PPP3CA: variants seen among roughly 807,000 people sequenced by gnomAD.
The protein encoded by PPP3CA is CAM-PRP catalytic subunit.
A neutral mutation model predicts 66.5 loss-of-function variants in PPP3CA; 14 were observed. The observed-to-expected ratio is 0.21, with a 90% CI of 0.14 to 0.33. PPP3CA has a LOEUF of 0.33. Ranked by LOEUF, PPP3CA falls within the 10% of genes least tolerant of loss-of-function variation. The probability of loss-of-function intolerance (pLI) is 1.00; values close to 1 mark genes in which losing one functional copy is unlikely to be tolerated. For synonymous variants in PPP3CA, 232 were observed against 226.2 expected (o/e 1.03, Z -0.23); for missense variants, 317 against 639.5 (o/e 0.50, Z 5.44).
chr4:101,091,490 C>T (rs942372872), intron 6 of PPP3CA, among the ~76,000 whole-genome samples: 13 of 151,902 alleles, frequency 8.6e-5, no homozygotes, highest in Admixed American at 5.9e-4. Context: ...ACAAACCTCT[C>T]TGTTAATATT....
intron 1 of PPP3CA, among the ~76,000 whole-genome samples, chr4:101,344,331 T>C (rs932524752): frequency 6.6e-6 from 1 of 152,170 alleles, no homozygotes; most frequent in Non-Finnish European, 1.5e-5. Flanking sequence ...AAATAACTAA[T>C]AATAAAAATC....
intron 1 of PPP3CA, among the ~76,000 whole-genome samples, chr4:101,256,960 A>G (rs1726862342): frequency 6.6e-6 from 1 of 152,008 alleles, no homozygotes; most frequent in South Asian, 2.1e-4. Context: ...GCTTGAAGAA[A>G]CTGAGGCTGT....
chr4:101,127,847 A>G (rs1722295238), intron 2 of PPP3CA, among the ~76,000 whole-genome samples: 1 of 150,788 alleles, frequency 6.6e-6, no homozygotes, highest in South Asian at 2.1e-4. Context: ...TTCTGTAACC[A>G]TAGGAGGTGA....
chr4:101,250,113 T>C (rs890158747), intron 1 of PPP3CA, among the ~76,000 whole-genome samples: 1 of 152,148 alleles, frequency 6.6e-6, no homozygotes. Flanking sequence ...ACAAGAATAA[T>C]TGAGTTTTTG....
At chr4:101,192,876 T>C (rs1305863377) in intron 2 of PPP3CA, among the ~76,000 whole-genome samples, 1 of 152,210 alleles carries the variant, frequency 6.6e-6, no homozygotes, top group African/African-American at 2.4e-5. Context: ...TTATCATCCA[T>C]AGCCATAACT....
At chr4:101,075,820 CT>C (rs1236616216) in intron 8 of PPP3CA, among the ~76,000 whole-genome samples, 4 of 152,108 alleles carry the variant, frequency 2.6e-5, no homozygotes, top group African/African-American at 9.7e-5. Flanking sequence ...TTCTTTGTTG[CT>C]TTTTCCAAAT....
At chr4:101,135,934 T>C (rs1327878072) in intron 2 of PPP3CA, among the ~76,000 whole-genome samples, 3 of 152,238 alleles carry the variant, frequency 2.0e-5, no homozygotes, top group African/African-American at 7.2e-5. Flanking sequence ...AGCTATGATA[T>C]ATTGAACTAT....
At chr4:101,244,024 C>T (rs1578588446) in intron 1 of PPP3CA, among the ~76,000 whole-genome samples, 1 of 152,132 alleles carries the variant, frequency 6.6e-6, no homozygotes, top group South Asian at 2.1e-4. Context: ...TACCTCATGG[C>T]AACTGGGATC....
intron 1 of PPP3CA, among the ~76,000 whole-genome samples, chr4:101,269,328 C>T (rs1727261400): frequency 6.6e-6 from 1 of 152,098 alleles, no homozygotes; most frequent in Non-Finnish European, 1.5e-5. Flanking sequence ...GCTCCACATT[C>T]ACAAGTGAAT....
intron 1 of PPP3CA, among the ~76,000 whole-genome samples, chr4:101,339,859 A>G (rs1371941613): frequency 6.6e-6 from 1 of 152,208 alleles, no homozygotes; most frequent in Non-Finnish European, 1.5e-5. Context: ...ACACTGACAT[A>G]CTAGAATTTC....
chr4:101,090,998 C>T (rs1017705332), intron 6 of PPP3CA, among the ~76,000 whole-genome samples: 3 of 150,354 alleles, frequency 2.0e-5, no homozygotes, highest in Non-Finnish European at 4.4e-5. Context: ...AATATATACA[C>T]ATCTGTGTCT....
At chr4:101,029,347 T>TAAAAAAAAAAAAAAAAAAAAAAACAA (rs1726818285) in intron 12 of PPP3CA, 152 bp from the exon 13 acceptor site, 1 of 78,822 alleles carries the variant, frequency 1.3e-5, no homozygotes, top group African/African-American at 7.1e-5. Context: ...ACAGAAATGC[T>TAAAAAAAAAAAAAAAAAAAAAAACAA]AAAAAAAAAA....
At chr4:101,106,141 C>T (rs779944265) in intron 3 of PPP3CA, among the ~76,000 whole-genome samples, 2 of 151,620 alleles carry the variant, frequency 1.3e-5, no homozygotes, top group Non-Finnish European at 2.9e-5. Context: ...TGGGCAACTT[C>T]GTAAGACCCT....
intron 1 of PPP3CA, among the ~76,000 whole-genome samples, chr4:101,314,659 A>T (rs1728832554): frequency 6.6e-6 from 1 of 151,862 alleles, no homozygotes; most frequent in South Asian, 2.1e-4. Flanking sequence ...TAATGGCAAT[A>T]CCTCTCACTC....
chr4:101,163,382 T>G (rs1332312807), intron 2 of PPP3CA, among the ~76,000 whole-genome samples: 3 of 152,186 alleles, frequency 2.0e-5, no homozygotes, highest in African/African-American at 7.2e-5. Context: ...CAAGAAAAAC[T>G]AATGATCTGA....
At chr4:101,079,599 T>G (rs141249857) in intron 8 of PPP3CA, among the ~76,000 whole-genome samples, 1,987 of 152,196 alleles carry the variant, frequency 0.013, 48 homozygotes, top group African/African-American at 0.046. Context: ...GCCAGTTTGG[T>G]CTCGATCTCC....
chr4:101,224,290 G>A (rs566829483), intron 1 of PPP3CA, among the ~76,000 whole-genome samples: 5 of 151,814 alleles, frequency 3.3e-5, no homozygotes, highest in African/African-American at 1.2e-4. Flanking sequence ...AAGCATCTTG[G>A]TTTTGAGATG....
chr4:101,204,513 G>A (rs1229882868), intron 1 of PPP3CA, among the ~76,000 whole-genome samples: 5 of 151,830 alleles, frequency 3.3e-5, no homozygotes, highest in Admixed American at 2.0e-4. Context: ...GCAGGCGCCT[G>A]TAGTCCCAGC....
At chr4:101,228,009 A>T (rs944458435) in intron 1 of PPP3CA, among the ~76,000 whole-genome samples, 5 of 151,554 alleles carry the variant, frequency 3.3e-5, no homozygotes, top group African/African-American at 1.2e-4. Context: ...CTTTGCTATG[A>T]ACAGGCCTTT....
Sources: allele counts gnomAD v4.1 joint callset (sites outside exome capture counted in the v4.1 genomes callset), GRCh38; gene constraint gnomAD v4.1.1; transcripts MANE v1.5; gene names NCBI Gene and HGNC (gene_info 2026-07-23, HGNC 2026-07-21).